Variants in TMEM117 observed in about 807,000 individuals in gnomAD.
TMEM117 encodes the protein transmembrane protein 117.
TMEM117 carries 27 observed loss-of-function variants against 52.4 expected under a neutral mutation model. That is an observed-to-expected ratio of 0.51 (90% CI 0.38 to 0.71). The LOEUF (loss-of-function observed/expected upper bound fraction) is 0.71. Among genes scored for constraint, TMEM117 ranks in the 30% least tolerant of loss-of-function variants. The pLI is 0.00. For synonymous variants in TMEM117, 215 were observed against 206.3 expected (o/e 1.04, Z -0.36); for missense variants, 556 against 630.5 (o/e 0.88, Z 1.26).
intron 5 of TMEM117, among the ~76,000 whole-genome samples, chr12:44,288,415 C>T (rs1295818404): frequency 6.6e-6 from 1 of 152,000 alleles, no homozygotes; most frequent in Non-Finnish European, 1.5e-5. Flanking sequence ...AAAATGGTAC[C>T]AGTAACTGTT....
At chr12:44,034,440 A>G (rs955497558) in intron 3 of TMEM117, among the ~76,000 whole-genome samples, 6 of 152,230 alleles carry the variant, frequency 3.9e-5, no homozygotes, top group Non-Finnish European at 7.3e-5. Flanking sequence ...AACAGTATAA[A>G]TAATAGTTGT....
At chr12:43,954,162 G>C (rs568375785) in intron 3 of TMEM117, among the ~76,000 whole-genome samples, 1 of 152,276 alleles carries the variant, frequency 6.6e-6, no homozygotes, top group East Asian at 1.9e-4. Flanking sequence ...GCAGTATTAA[G>C]AGAAATGTAT....
intron 3 of TMEM117, among the ~76,000 whole-genome samples, chr12:44,130,387 T>C (rs1331831469): frequency 6.6e-6 from 1 of 152,180 alleles, no homozygotes; most frequent in Non-Finnish European, 1.5e-5. Flanking sequence ...TCCAAAGTAA[T>C]AACTATCTCA....
rs556172190 is a variant in TMEM117, at chr12:43,945,227, A to G, written c.410+885A>G. Among the ~76,000 whole-genome samples the G allele has an allele frequency of 1.3e-3, 205 of 152,316 alleles. 1 individual carries two copies. Among genetic ancestry groups the G allele is most frequent in the African/African-American group, 4.8e-3 (199 of 41,580 alleles). On this transcript the variant is annotated intron_variant, in intron 3 of 7. Coordinates refer to ENST00000266534, the MANE Select transcript of TMEM117 (RefSeq NM_032256.3). ...GAAATATGTGCCAACAAGTAGTTGT[A>G]TAATTTTTCTAACTTTCTTCACTTC...
intron 3 of TMEM117, among the ~76,000 whole-genome samples, chr12:44,119,806 G>A (rs894189424): frequency 6.6e-6 from 1 of 152,146 alleles, no homozygotes; most frequent in Non-Finnish European, 1.5e-5. Context: ...AGTGGGCTAG[G>A]CAATAGTACC....
At chr12:44,017,318 T>C (rs2137823921) in intron 3 of TMEM117, among the ~76,000 whole-genome samples, 1 of 147,176 alleles carries the variant, frequency 6.8e-6, no homozygotes, top group East Asian at 1.9e-4. Flanking sequence ...TTTCCTTTTC[T>C]TTCTTTCCTT....
intron 4 of TMEM117, among the ~76,000 whole-genome samples, chr12:44,146,897 A>G (rs923126996): frequency 5.9e-5 from 9 of 152,234 alleles, no homozygotes; most frequent in East Asian, 1.9e-4. Flanking sequence ...AAACTTTTTC[A>G]TAGTTTTAAA....
chr12:44,325,753 T>C (rs1465742684), intron 6 of TMEM117, among the ~76,000 whole-genome samples: 1 of 152,182 alleles, frequency 6.6e-6, no homozygotes, highest in Non-Finnish European at 1.5e-5. Flanking sequence ...GATATGTGTG[T>C]GTTTATGTCT....
At chr12:44,098,983 C>G (rs2138068758) in intron 3 of TMEM117, among the ~76,000 whole-genome samples, 1 of 152,154 alleles carries the variant, frequency 6.6e-6, no homozygotes, top group East Asian at 1.9e-4. Context: ...TATGGGATGT[C>G]TTTCAACTGT....
intron 2 of TMEM117, among the ~76,000 whole-genome samples, chr12:43,868,828 G>A (rs891519766): frequency 2.0e-5 from 3 of 151,676 alleles, no homozygotes; most frequent in African/African-American, 7.3e-5. Context: ...TAGGAAGGAG[G>A]AAATAATAAA....
At chr12:44,161,548 T>C (rs1948898585) in intron 4 of TMEM117, among the ~76,000 whole-genome samples, 1 of 152,188 alleles carries the variant, frequency 6.6e-6, no homozygotes, top group African/African-American at 2.4e-5. Flanking sequence ...ATTAAACGAA[T>C]GGAATTTATA....
the TMEM117 span, among the ~76,000 whole-genome samples, chr12:43,811,409 G>T: frequency 6.6e-6 from 1 of 152,184 alleles, no homozygotes; most frequent in African/African-American, 2.4e-5. Context: ...GGAATCTTCT[G>T]CCTCCTTGTT....
At chr12:44,184,699 C>G (rs1483520821) in intron 4 of TMEM117, among the ~76,000 whole-genome samples, 1 of 152,174 alleles carries the variant, frequency 6.6e-6, no homozygotes, top group African/African-American at 2.4e-5. Context: ...TTTCCTAGAG[C>G]CTCCAGAAAG....
intron 6 of TMEM117, among the ~76,000 whole-genome samples, chr12:44,310,248 G>A (rs775581368): frequency 6.6e-6 from 1 of 152,070 alleles, no homozygotes; most frequent in African/African-American, 2.4e-5. Context: ...GTAATATGAC[G>A]GTATATAAAG....
chr12:43,832,041 G>A (rs1942985843), upstream of TMEM117, among the ~76,000 whole-genome samples: 1 of 152,032 alleles, frequency 6.6e-6, no homozygotes, highest in African/African-American at 2.4e-5. Flanking sequence ...TGGCCAATTG[G>A]CTAAACTCCT....
At chr12:43,810,873 A>C in the TMEM117 span, among the ~76,000 whole-genome samples, 8 of 152,348 alleles carry the variant, frequency 5.3e-5, no homozygotes, top group Non-Finnish European at 1.0e-4. Context: ...AGGCTAGGTC[A>C]GTATGGTGAC....
chr12:44,379,747 A>C (rs1951994059), intron 7 of TMEM117, among the ~76,000 whole-genome samples: 1 of 152,202 alleles, frequency 6.6e-6, no homozygotes, highest in Non-Finnish European at 1.5e-5. Flanking sequence ...TTAGCAGCCT[A>C]CAAATTTCCA....
intron 3 of TMEM117, among the ~76,000 whole-genome samples, chr12:44,129,254 G>A (rs1384158723): frequency 6.6e-6 from 1 of 152,192 alleles, no homozygotes; most frequent in African/African-American, 2.4e-5. Flanking sequence ...CCTTTAGTGA[G>A]CAGCCCAAGT....
chr12:44,310,302 A>T (rs574132189), intron 6 of TMEM117, among the ~76,000 whole-genome samples: 40 of 152,344 alleles, frequency 2.6e-4, no homozygotes, highest in African/African-American at 9.1e-4. Context: ...CTACAAATAG[A>T]GGCATACTCT....
Sources: gnomAD v4.1 joint callset for allele counts (sites outside exome capture counted in the v4.1 genomes callset) on GRCh38, gnomAD v4.1.1 for gene constraint, MANE v1.5 for transcripts, NCBI Gene and HGNC (gene_info 2026-07-23, HGNC 2026-07-21) for gene names.